CCDC102B: variants seen among roughly 807,000 people sequenced by gnomAD.
The protein encoded by CCDC102B is coiled-coil domain-containing protein 102B.
In CCDC102B, 75 loss-of-function variants were observed where a neutral mutation model predicts 57.4. The ratio of observed to expected loss-of-function variants is 1.31; its 90% CI spans 1.08 to 1.58. The LOEUF (loss-of-function observed/expected upper bound fraction) is 1.58, where lower values mean the gene tolerates loss of function less well. Ranked by LOEUF, CCDC102B falls within the 40% of genes most tolerant of loss-of-function variation. The pLI is 0.00. For missense variants in CCDC102B, 636 were observed against 582.6 expected (o/e 1.09, Z -0.94); for synonymous variants, 206 against 201.9 (o/e 1.02, Z -0.17).
chr18:68,868,028 T>G (rs1262029383), intron 4 of CCDC102B, among the ~76,000 whole-genome samples: 1 of 152,110 alleles, frequency 6.6e-6, no homozygotes, highest in Non-Finnish European at 1.5e-5. Context: ...TCCAGACAAT[T>G]ATCATTGAGC....
intron 5 of CCDC102B, among the ~76,000 whole-genome samples, chr18:68,880,264 C>A (rs902715852): frequency 6.6e-6 from 1 of 152,222 alleles, no homozygotes; most frequent in Non-Finnish European, 1.5e-5. Flanking sequence ...TGCCCGGGGC[C>A]GGCAGGGCTG....
intron 4 of CCDC102B, among the ~76,000 whole-genome samples, chr18:68,855,739 T>G (rs1173623143): frequency 6.6e-6 from 1 of 152,202 alleles, no homozygotes; most frequent in Admixed American, 6.5e-5. Flanking sequence ...TAGGTAGGTT[T>G]TCAGAGTTCC....
chr18:68,731,848 G>A (rs1303764220), intron 2 of CCDC102B, among the ~76,000 whole-genome samples: 2 of 147,460 alleles, frequency 1.4e-5, no homozygotes, highest in Admixed American at 1.4e-4. Context: ...TTCTACTTCA[G>A]TAAAAGTACA....
At chr18:68,865,745 C>G (rs915818247) in intron 4 of CCDC102B, among the ~76,000 whole-genome samples, 5 of 152,122 alleles carry the variant, frequency 3.3e-5, no homozygotes, top group Non-Finnish European at 7.4e-5. Context: ...GAGAAATAAA[C>G]TAATCAATGG....
At chr18:68,720,509 A>G (rs538921560) in intron 2 of CCDC102B, among the ~76,000 whole-genome samples, 2 of 152,318 alleles carry the variant, frequency 1.3e-5, no homozygotes, top group African/African-American at 4.8e-5. Flanking sequence ...AAAGCGTTCT[A>G]TGCACATGAA....
intron 2 of CCDC102B, among the ~76,000 whole-genome samples, chr18:68,722,755 T>C (rs1001770182): frequency 3.9e-5 from 6 of 152,118 alleles, no homozygotes; most frequent in Admixed American, 3.3e-4. Flanking sequence ...TTCTCAAACT[T>C]CCTAAGATAT....
intron 1 of CCDC102B, among the ~76,000 whole-genome samples, chr18:68,801,262 A>G (rs2035841259): frequency 1.3e-5 from 2 of 152,162 alleles, no homozygotes; most frequent in Admixed American, 6.6e-5. Flanking sequence ...CTAGTGCTCC[A>G]TCCTCAGTGC....
At chr18:68,980,731 C>T (rs956794198) in intron 6 of CCDC102B, among the ~76,000 whole-genome samples, 4 of 151,868 alleles carry the variant, frequency 2.6e-5, no homozygotes, top group African/African-American at 9.7e-5. Flanking sequence ...CAGAACAGTC[C>T]CAGAATGTTT....
chr18:68,968,789 G>T (rs1007496898), intron 6 of CCDC102B, among the ~76,000 whole-genome samples: 1 of 152,040 alleles, frequency 6.6e-6, no homozygotes. Flanking sequence ...GAGCACTCAC[G>T]CAGTAGTTAT....
chr18:68,868,033 T>C lies in CCDC102B; in HGVS notation c.937-6636T>C, dbSNP rs376778727. Among the ~76,000 whole-genome samples, 13 of 152,254 alleles carry C rather than the reference T, an allele frequency of 8.5e-5. No individual in the cohort carries two copies. The East Asian group carries it at 1.2e-3, about 14-fold the overall frequency. On this transcript the variant is annotated intron_variant, in intron 4 of 7. Coordinates refer to ENST00000360242, the MANE Select transcript of CCDC102B (RefSeq NM_024781.3). ...AAGAGGAAAATCCAGACAATTATCATTGAGCATATTATTTCTCAATGATAT... is the reference window on the plus strand; with the variant it reads ...AAGAGGAAAATCCAGACAATTATCACTGAGCATATTATTTCTCAATGATAT...
intron 1 of CCDC102B, among the ~76,000 whole-genome samples, chr18:68,817,469 C>A (rs2036529288): frequency 6.6e-6 from 1 of 152,118 alleles, no homozygotes; most frequent in South Asian, 2.1e-4. Flanking sequence ...AAATAATTAT[C>A]TTGGTTCTGT....
chr18:68,773,992 A>G (rs2034728327), intron 2 of CCDC102B, among the ~76,000 whole-genome samples: 3 of 152,186 alleles, frequency 2.0e-5, no homozygotes, highest in Middle Eastern at 3.4e-3. Flanking sequence ...TTGAAGGGTT[A>G]TGTAAAAGTG....
chr18:68,994,853 G>C (rs1351158684), intron 6 of CCDC102B, among the ~76,000 whole-genome samples: 1 of 152,234 alleles, frequency 6.6e-6, no homozygotes, highest in Non-Finnish European at 1.5e-5. Context: ...GCAGACAGTA[G>C]AGTGCTGCTA....
At chr18:68,966,022 C>A (rs116351346) in intron 6 of CCDC102B, among the ~76,000 whole-genome samples, 8 of 152,122 alleles carry the variant, frequency 5.3e-5, no homozygotes, top group African/African-American at 1.9e-4. Flanking sequence ...TGCAATCCTG[C>A]TGAGAGGTCG....
chr18:68,734,496 A>G (rs2033038291), intron 2 of CCDC102B, among the ~76,000 whole-genome samples: 1 of 152,198 alleles, frequency 6.6e-6, no homozygotes, highest in South Asian at 2.1e-4. Context: ...TTACGGAGAA[A>G]TTTTATGCGT....
chr18:69,014,814 C>T (rs1463936834), intron 7 of CCDC102B, among the ~76,000 whole-genome samples: 1 of 151,810 alleles, frequency 6.6e-6, no homozygotes, highest in Non-Finnish European at 1.5e-5. Flanking sequence ...TTCCATAGAA[C>T]TATAGAGTCA....
At chr18:68,765,828 C>T (rs1177352278) in intron 2 of CCDC102B, among the ~76,000 whole-genome samples, 1 of 151,972 alleles carries the variant, frequency 6.6e-6, no homozygotes, top group East Asian at 1.9e-4. Context: ...GTAACTCATA[C>T]TTTTTCTTTC....
intron 1 of CCDC102B, among the ~76,000 whole-genome samples, chr18:68,823,669 A>G (rs1192288069): frequency 3.9e-5 from 6 of 152,204 alleles, no homozygotes; most frequent in Non-Finnish European, 4.4e-5. Flanking sequence ...TTACACCCCC[A>G]GCAATAGTGT....
chr18:68,860,420 T>C, intron 4 of CCDC102B, among the ~76,000 whole-genome samples: 1 of 78,848 alleles, frequency 1.3e-5, no homozygotes, highest in African/African-American at 3.9e-5. Context: ...ACCTGCACAA[T>C]GTGCACATGT....
Sources: gnomAD v4.1 joint callset for allele counts (sites outside exome capture counted in the v4.1 genomes callset) on GRCh38, gnomAD v4.1.1 for gene constraint, MANE v1.5 for transcripts, NCBI Gene and HGNC (gene_info 2026-07-23, HGNC 2026-07-21) for gene names.